The following DNAI3 variants were observed in gnomAD, a reference collection of about 807,000 sequenced individuals.
The protein encoded by DNAI3 is WD repeat domain 63.
In DNAI3, 83 loss-of-function variants were observed where a neutral mutation model predicts 115.5. The ratio of observed to expected loss-of-function variants is 0.72; its 90% CI spans 0.60 to 0.86. DNAI3 has a LOEUF of 0.86. Ranked by LOEUF, DNAI3 falls within the 40% of genes least tolerant of loss-of-function variation. The pLI is 0.00. For synonymous variants in DNAI3, 320 were observed against 347.0 expected, an observed-to-expected ratio of 0.92 and a Z score of 0.86; for missense variants, 1,004 against 1,075.8, an observed-to-expected ratio of 0.93 and a Z score of 0.93.
At chr1:85,104,674 C>T in intron 14 of DNAI3, 77 bp downstream of exon 14, 1 of 1,106,708 alleles carries the variant, frequency 9.0e-7, no homozygotes, top group Non-Finnish European at 1.4e-6. Flanking sequence ...AAATCAGTGT[C>T]TTCTTCTCCT....
intron 1 of DNAI3, among the ~76,000 whole-genome samples, chr1:85,066,971 C>T (rs1654120238): frequency 6.6e-6 from 1 of 151,946 alleles, no homozygotes; most frequent in Admixed American, 6.6e-5. Context: ...GGTTTCGATA[C>T]CCCCAATTAA....
At chr1:85,063,051 G>A (rs956944548) in intron 1 of DNAI3, among the ~76,000 whole-genome samples, 1 of 152,134 alleles carries the variant, frequency 6.6e-6, no homozygotes, top group Non-Finnish European at 1.5e-5. Context: ...TAATTGCTGC[G>A]CAATACTTTC....
chr1:85,071,554 C>G (rs1654273733), intron 1 of DNAI3, among the ~76,000 whole-genome samples: 1 of 152,182 alleles, frequency 6.6e-6, no homozygotes, highest in African/African-American at 2.4e-5. Flanking sequence ...GCTGGGCTAC[C>G]TGTTGGGAAG....
At chr1:85,090,842 T>A (rs1233344375) in intron 8 of DNAI3, among the ~76,000 whole-genome samples, 3 of 152,180 alleles carry the variant, frequency 2.0e-5, no homozygotes, top group African/African-American at 7.2e-5. Context: ...TACTAGAGTT[T>A]AGAGAAGTGG....
At chr1:85,105,921 T>C (rs939560711) in intron 14 of DNAI3, among the ~76,000 whole-genome samples, 3 of 152,202 alleles carry the variant, frequency 2.0e-5, no homozygotes, top group African/African-American at 4.8e-5. Context: ...CCTGACTGCA[T>C]GTAATGGAGA....
intron 15 of DNAI3, 119 bp from the exon 16 acceptor site, chr1:85,109,929 G>T (rs968110484): frequency 3.4e-6 from 3 of 893,048 alleles, no homozygotes; most frequent in African/African-American, 1.7e-5. Context: ...AGGGAAGGAA[G>T]AAAAAAAAGG....
Position 85,107,053 on chromosome 1 carries a change from A to G in DNAI3, c.1554-980A>G, listed in dbSNP as rs1365822800. 2.6e-5 allele frequency among the ~76,000 whole-genome samples: 4 copies of G among 152,326 alleles called. No homozygotes were observed. The East Asian group carries it at 7.7e-4, about 29-fold the overall frequency. ...GAAATACAACTTTATACCCACTACAATGGCTATAATCAAAAGACAAAAAGC... is the reference window on the plus strand; with the variant it reads ...GAAATACAACTTTATACCCACTACAGTGGCTATAATCAAAAGACAAAAAGC... On this transcript the variant is annotated intron_variant, in intron 14 of 22. Coordinates refer to ENST00000294664, the MANE Select transcript of DNAI3 (RefSeq NM_145172.5).
chr1:85,132,860 A>G lies in DNAI3; in HGVS notation c.2538A>G (p.Thr846=), dbSNP rs1656382857. 1 of 1,612,772 alleles carries G rather than the reference A, an allele frequency of 6.2e-7. No individual in the cohort carries two copies. The highest frequency in any genetic ancestry group is 1.3e-5 in the African/African-American group (1 of 74,784). The change falls in exon 23 of 23, where the codon ACA becomes ACG. Residue 846 remains threonine (T), a synonymous_variant. Coordinates refer to ENST00000294664, the MANE Select transcript of DNAI3 (RefSeq NM_145172.5). ...ELEMAKKKVK[T]YQKSKEQMQA... The stretch of plus-strand genomic sequence containing the variant: ...TGTTTTTCTTCCCCCCCCAGAAAAC[A>G]TATCAGAAGTCAAAAGAACAAATGC...
intron 3 of DNAI3, among the ~76,000 whole-genome samples, chr1:85,079,082 T>C (rs193139633): frequency 8.6e-4 from 131 of 152,330 alleles, no homozygotes; most frequent in African/African-American, 3.1e-3. Context: ...TTTTCGGCAC[T>C]AGCACAGTGT....
In DNAI3 at chr1:85,092,085, T is replaced by A. The variant is rs553289548; in HGVS notation, c.858-1373T>A. The stretch of plus-strand genomic sequence containing the variant: ...GGTTATTCAATGTTCAGTGTGCTTA[T>A]GAATCACCTGAGGACTCTTGTTAAA... On this transcript the variant is annotated intron_variant, in intron 8 of 22. Transcript: ENST00000294664. Among the ~76,000 whole-genome samples, 24 of 152,348 alleles carry A rather than the reference T, an allele frequency of 1.6e-4. No individual in the cohort carries two copies. In the East Asian group the frequency reaches 4.6e-3, roughly 29 times the overall value.
intron 1 of DNAI3, among the ~76,000 whole-genome samples, chr1:85,063,584 A>T (rs1295980222): frequency 6.6e-6 from 1 of 152,240 alleles, no homozygotes; most frequent in Non-Finnish European, 1.5e-5. Flanking sequence ...CCCAGGCTCA[A>T]CCCAGACCAG....
chr1:85,069,936 G>T (rs541295664), intron 1 of DNAI3, among the ~76,000 whole-genome samples: 1 of 152,142 alleles, frequency 6.6e-6, no homozygotes, highest in Non-Finnish European at 1.5e-5. Context: ...AATAGAAATT[G>T]TCAGAATCAT....
chr1:85,104,182 A>G (rs1164578632), intron 13 of DNAI3, among the ~76,000 whole-genome samples: 1 of 139,762 alleles, frequency 7.2e-6, no homozygotes, highest in Non-Finnish European at 1.5e-5. Flanking sequence ...GTGCGATGGC[A>G]CCATCTCGGC....
intron 14 of DNAI3, among the ~76,000 whole-genome samples, chr1:85,107,458 A>ATTTG (rs1655523178): frequency 1.3e-5 from 2 of 152,228 alleles, no homozygotes; most frequent in African/African-American, 4.8e-5. Flanking sequence ...CCTTAAAAAC[A>ATTTG]TGCTAAGAGA....
rs113700945 is a variant in DNAI3, at chr1:85,113,642, C to CT, written c.1786+3517dup. ...AATTAGATAGTGTTAGTTTTCCAAC[C>CT]TTTTTTTTTTCAAAGTAGTTTTTGA... On this transcript the variant is annotated intron_variant, in intron 16 of 22. Transcript: ENST00000294664. 5.0e-3 allele frequency among the ~76,000 whole-genome samples: 748 copies of CT among 149,304 alleles called. 4 individuals are homozygous for CT. The highest frequency in any genetic ancestry group is 6.7e-3 in the Non-Finnish European group (448 of 67,018).
At chr1:85,065,014 CA>C (rs1654052551) in intron 1 of DNAI3, among the ~76,000 whole-genome samples, 1 of 152,066 alleles carries the variant, frequency 6.6e-6, no homozygotes, top group East Asian at 1.9e-4. Flanking sequence ...GCCTGGGTGA[CA>C]GAGCAAGACT....
intron 19 of DNAI3, among the ~76,000 whole-genome samples, chr1:85,124,839 G>C (rs903632701): frequency 6.6e-6 from 1 of 152,098 alleles, no homozygotes; most frequent in Non-Finnish European, 1.5e-5. Context: ...AACTTGACTT[G>C]CATTTTTCCT....
rs75905611 is a variant in DNAI3 at position 85,074,025 on chromosome 1, T to C, written c.103+933T>C. On this transcript the variant is annotated intron_variant, in intron 3 of 22. Coordinates refer to ENST00000294664, the MANE Select transcript of DNAI3 (RefSeq NM_145172.5). ...GGATATGCTGCCCAATAAATATTTA[T>C]TGAGTTAGTGAAACCTGGGAGTCAT... Among the ~76,000 whole-genome samples the C allele has an allele frequency of 2.1e-3, 315 of 152,300 alleles. 13 individuals carry two copies. In the East Asian group the frequency reaches 0.052, roughly 25 times the overall value.
At position 85,090,168 on chromosome 1, in the gene DNAI3, G is replaced by A. The variant is rs771724495; in HGVS notation, c.793G>A (p.Glu265Lys). The change falls in exon 8 of 23, where the codon GAG (glutamate) becomes AAG (lysine). Residue 265 changes from glutamate to lysine, a missense_variant. Glu to Lys is a moderately conservative substitution (Grantham distance 56, BLOSUM62 1). Transcript: ENST00000294664. The part of the protein sequence containing the change: ...TQYYPREFSE[E>K]EKETLKQSKP... ...ATATTATCCAAGAGAATTCTCAGAA[G>A]AGGAAAAAGAGACACTCAAACAATC... 6.3e-6 allele frequency: 10 copies of A among 1,592,256 alleles called. No homozygotes were observed. The South Asian group carries it at 1.1e-4, about 17-fold the overall frequency.
Sources: allele counts gnomAD v4.1 joint callset (sites outside exome capture counted in the v4.1 genomes callset), GRCh38; gene constraint gnomAD v4.1.1; transcripts MANE v1.5; gene names NCBI Gene and HGNC (gene_info 2026-07-23, HGNC 2026-07-21).